Variants in USO1 observed in about 807,000 individuals in gnomAD.
USO1 encodes the protein general vesicular transport factor p115.
A neutral mutation model predicts 124.5 loss-of-function variants in USO1; 57 were observed. The ratio of observed to expected loss-of-function variants is 0.46; its 90% CI spans 0.37 to 0.57. The LOEUF (loss-of-function observed/expected upper bound fraction) is 0.57. USO1 is among the 20% of genes least tolerant of loss of function. The pLI is 0.00. For missense variants in USO1, 900 were observed against 1,040.6 expected, an observed-to-expected ratio of 0.86 and a Z score of 1.86; for synonymous variants, 369 against 362.8, an observed-to-expected ratio of 1.02 and a Z score of -0.19.
chr4:75,786,138 C>G (rs1020411560), intron 9 of USO1, among the ~76,000 whole-genome samples: 2 of 152,176 alleles, frequency 1.3e-5, no homozygotes, highest in African/African-American at 4.8e-5. Flanking sequence ...AAAAGTACCA[C>G]TTTTCAAACT....
chr4:75,770,265 C>G, intron 4 of USO1, 174 bp from the exon 5 acceptor site: 1 of 428,200 alleles, frequency 2.3e-6, no homozygotes, highest in Non-Finnish European at 3.8e-6. Flanking sequence ...TGAATTTGAA[C>G]ATTATTTTAA....
chr4:75,791,110 A>G (rs1722520007), intron 12 of USO1, among the ~76,000 whole-genome samples: 1 of 152,242 alleles, frequency 6.6e-6, no homozygotes, highest in African/African-American at 2.4e-5. Context: ...ATACCCCATT[A>G]GGAACATTGT....
chr4:75,724,999 A>C (rs1266186290), intron 1 of USO1, 114 bp downstream of exon 1: 2 of 1,092,668 alleles, frequency 1.8e-6, no homozygotes, highest in Non-Finnish European at 2.7e-6. Flanking sequence ...GGGCATCCAC[A>C]TGCCGCCTCC....
At chr4:75,738,469 T>A (rs1720859441) in intron 1 of USO1, among the ~76,000 whole-genome samples, 1 of 151,380 alleles carries the variant, frequency 6.6e-6, no homozygotes. Context: ...AAAAAAAAAA[T>A]TAAGTCTTTT....
At chr4:75,753,694 G>A (rs1052865818) in intron 3 of USO1, among the ~76,000 whole-genome samples, 7 of 151,908 alleles carry the variant, frequency 4.6e-5, no homozygotes, top group Middle Eastern at 6.8e-3. Context: ...TTCCAACCTG[G>A]GCAGCAGAGT....
chr4:75,763,038 T>C (rs922568789), intron 4 of USO1, among the ~76,000 whole-genome samples: 1 of 152,268 alleles, frequency 6.6e-6, no homozygotes, highest in African/African-American at 2.4e-5. Context: ...TTAGGATATC[T>C]CCTTTTATAA....
At chr4:75,799,471 C>G in intron 13 of USO1, 151 bp from the exon 14 acceptor site, 1 of 817,562 alleles carries the variant, frequency 1.2e-6, no homozygotes. Context: ...ATAATTTATT[C>G]TCTTGTTTAG....
intron 18 of USO1, 60 bp downstream of exon 18, chr4:75,804,332 G>A (rs954531013): frequency 6.5e-7 from 1 of 1,540,826 alleles, no homozygotes; most frequent in Non-Finnish European, 8.7e-7. Flanking sequence ...TCAAGAGCTA[G>A]ACAAAGTAAA....
At chr4:75,755,965 T>C (rs1721429345) in intron 3 of USO1, among the ~76,000 whole-genome samples, 1 of 151,866 alleles carries the variant, frequency 6.6e-6, no homozygotes, top group South Asian at 2.1e-4. Flanking sequence ...GGTCAGGAGA[T>C]CGAGACCATC....
At chr4:75,782,649 T>C in intron 8 of USO1, 31 bp from the exon 9 acceptor site, 1 of 1,523,742 alleles carries the variant, frequency 6.6e-7, no homozygotes, top group Middle Eastern at 2.0e-4. Context: ...TTTACGAGCC[T>C]TAACGCTTGT....
At chr4:75,802,020 T>C (rs1328434606) in intron 17 of USO1, among the ~76,000 whole-genome samples, 1 of 152,200 alleles carries the variant, frequency 6.6e-6, no homozygotes, top group Non-Finnish European at 1.5e-5. Flanking sequence ...GGTTTCACCA[T>C]GTTGGCTGGT....
At chr4:75,750,087 T>C (rs1257434546) in intron 1 of USO1, among the ~76,000 whole-genome samples, 2 of 152,182 alleles carry the variant, frequency 1.3e-5, no homozygotes, top group African/African-American at 4.8e-5. Context: ...TTTCCAAATA[T>C]TTTCACCCAG....
At chr4:75,794,937 A>G (rs1358567759) in intron 13 of USO1, among the ~76,000 whole-genome samples, 2 of 152,180 alleles carry the variant, frequency 1.3e-5, no homozygotes, top group African/African-American at 4.8e-5. Context: ...TTATGTCTTT[A>G]CTTATTACTT....
chr4:75,797,982 A>C (rs1722738712), intron 13 of USO1, among the ~76,000 whole-genome samples: 1 of 152,168 alleles, frequency 6.6e-6, no homozygotes, highest in African/African-American at 2.4e-5. Context: ...TCTCCTATCT[A>C]AGAACATGGT....
At chr4:75,738,948 G>A (rs1483574497) in intron 1 of USO1, among the ~76,000 whole-genome samples, 2 of 152,004 alleles carry the variant, frequency 1.3e-5, no homozygotes, top group Non-Finnish European at 2.9e-5. Context: ...CACTTCCCGG[G>A]TTCAAGCGAT....
Position 75,724,844 on chromosome 4 carries a change from G to C in USO1, c.25G>C (p.Gly9Arg). Residue 9 changes from glycine to arginine, a missense_variant, in exon 1 of 24, where the codon GGG becomes CGG. Gly to Arg is a moderately radical substitution (Grantham distance 125). Around this residue, in one of 2 missense-constraint regions of USO1, gnomAD observed 538 missense variants for 681.6 expected, o/e 0.79. Coordinates refer to ENST00000514213, the MANE Select transcript of USO1 (RefSeq NM_003715.4). MNFLRGVM[G>R]GQSAGPQHTE... Reference sequence around the variant, plus strand: ...GATGAATTTCCTCCGCGGGGTAATGGGGGGTCAGAGTGCCGGACCCCAGCA... The same window carrying C: ...GATGAATTTCCTCCGCGGGGTAATGCGGGGTCAGAGTGCCGGACCCCAGCA... The C allele has an allele frequency of 6.2e-7, 1 of 1,613,862 alleles. No homozygotes were observed. The highest frequency in any genetic ancestry group is 8.5e-7 in the Non-Finnish European group (1 of 1,179,794).
intron 11 of USO1, among the ~76,000 whole-genome samples, 199 bp downstream of exon 11, chr4:75,790,437 T>C (rs1374603238): frequency 2.0e-5 from 3 of 152,228 alleles, no homozygotes; most frequent in East Asian, 1.9e-4. Flanking sequence ...GATTCAGATA[T>C]CATGTCGTCC....
chr4:75,805,111 G>T, intron 18 of USO1, 29 bp from the exon 19 acceptor site: 1 of 1,519,410 alleles, frequency 6.6e-7, no homozygotes, highest in Non-Finnish European at 8.8e-7. Flanking sequence ...TTTCCCGTTG[G>T]CTTTTAAAAT....
rs113123732 is a variant in USO1 at position 75,800,431 on chromosome 4, G to T, written c.1644G>T (p.Ser548=). The T allele has an allele frequency of 6.3e-7, 1 of 1,593,572 alleles. No homozygotes were observed. Among genetic ancestry groups the T allele is most frequent in the African/African-American group, 1.3e-5 (1 of 74,510 alleles). Residue 548 remains serine (S), a synonymous_variant, in exon 15 of 24, where the codon TCG becomes TCT. Coordinates refer to ENST00000514213, the MANE Select transcript of USO1 (RefSeq NM_003715.4). ...QGLCALLLGI[S]IYFNDNSLES... is the part of the protein sequence containing the mutation. ...TATGTGCCCTTTTGTTGGGCATTTC[G>T]ATTTATTTCAATGATAACTCACTTG...
Sources: gnomAD v4.1 joint callset for allele counts (sites outside exome capture counted in the v4.1 genomes callset) on GRCh38, gnomAD v4.1.1 for gene constraint, gnomAD v4.1.1 regional missense constraint, MANE v1.5 for transcripts, NCBI Gene and HGNC (gene_info 2026-07-23, HGNC 2026-07-21) for gene names.